KCNC2: variants seen among roughly 807,000 people sequenced by gnomAD.
The protein encoded by KCNC2 is potassium voltage-gated channel subfamily C member 2, also known as voltage-gated potassium channel KCNC2.
A neutral mutation model predicts 44.5 loss-of-function variants in KCNC2; 21 were observed. The observed-to-expected ratio is 0.47, with a 90% confidence interval of 0.33 to 0.68. The LOEUF (loss-of-function observed/expected upper bound fraction) is 0.68, where lower values mean the gene tolerates loss of function less well. Among genes scored for constraint, KCNC2 ranks in the 30% least tolerant of loss-of-function variants. The pLI is 0.01. For synonymous variants in KCNC2, 391 were observed against 339.1 expected (o/e 1.15, Z -1.68); for missense variants, 589 against 826.2 (o/e 0.71, Z 3.52).
At chr12:75,161,150 T>A (rs1891098052) in intron 2 of KCNC2, among the ~76,000 whole-genome samples, 1 of 151,724 alleles carries the variant, frequency 6.6e-6, no homozygotes, top group African/African-American at 2.4e-5. Flanking sequence ...TTAGATATCC[T>A]AATATAAAAA....
At chr12:75,194,937 T>G (rs1271697447) in intron 2 of KCNC2, among the ~76,000 whole-genome samples, 1 of 152,172 alleles carries the variant, frequency 6.6e-6, no homozygotes, top group Non-Finnish European at 1.5e-5. Context: ...CTGCTTTCAT[T>G]TTTATTTTTC....
intron 2 of KCNC2, among the ~76,000 whole-genome samples, chr12:75,201,084 A>C (rs1022217599): frequency 6.6e-6 from 1 of 151,336 alleles, no homozygotes; most frequent in Admixed American, 6.6e-5. Context: ...GAACATCTTC[A>C]TGGGTTTCAT....
At chr12:75,082,724 C>T (rs960038655) in intron 2 of KCNC2, among the ~76,000 whole-genome samples, 9 of 151,090 alleles carry the variant, frequency 6.0e-5, no homozygotes, top group Non-Finnish European at 1.0e-4. Context: ...ATTATTTTCT[C>T]GAAAAATATT....
chr12:75,094,177 T>C (rs114724993), intron 2 of KCNC2, among the ~76,000 whole-genome samples: 3,128 of 151,756 alleles, frequency 0.021, 97 homozygotes, highest in African/African-American at 0.066. Flanking sequence ...TGATTCTCTT[T>C]TAAAGTTGCC....
chr12:75,131,123 C>T lies in KCNC2; in HGVS notation c.687+76174G>A, dbSNP rs138820566. On this transcript the variant is annotated intron_variant, in intron 2 of 4. Transcript: ENST00000549446. ...AAATTTTCACATACATGCTGTAACA[C>T]GTCAGCGAAAATGCCTTAACTAATT... Among the ~76,000 whole-genome samples the T allele has an allele frequency of 1.1e-4, 16 of 152,176 alleles. No homozygotes were observed. In the South Asian group the frequency reaches 2.9e-3, roughly 28 times the overall value.
At chr12:75,066,307 A>G (rs1010136983) in intron 2 of KCNC2, among the ~76,000 whole-genome samples, 4 of 152,158 alleles carry the variant, frequency 2.6e-5, no homozygotes, top group African/African-American at 9.6e-5. Context: ...TGAGCTATAC[A>G]AAGTGCTCCT....
chr12:75,191,999 T>A (rs1385863933), intron 2 of KCNC2, among the ~76,000 whole-genome samples: 1 of 152,220 alleles, frequency 6.6e-6, no homozygotes, highest in Non-Finnish European at 1.5e-5. Context: ...TATGCTTCTT[T>A]AAACACCTTT....
At chr12:75,117,547 C>A (rs1406404278) in intron 2 of KCNC2, among the ~76,000 whole-genome samples, 2 of 152,146 alleles carry the variant, frequency 1.3e-5, no homozygotes, top group South Asian at 2.1e-4. Context: ...ATTACTTACT[C>A]CTTAACAAAG....
At chr12:75,063,896 C>G (rs1882577942) in intron 2 of KCNC2, among the ~76,000 whole-genome samples, 1 of 152,048 alleles carries the variant, frequency 6.6e-6, no homozygotes, top group African/African-American at 2.4e-5. Flanking sequence ...CACTTCCTTA[C>G]CTTGCTAATG....
intron 2 of KCNC2, among the ~76,000 whole-genome samples, chr12:75,151,837 G>GA (rs1890416433): frequency 6.7e-6 from 1 of 149,108 alleles, no homozygotes; most frequent in Non-Finnish European, 1.5e-5. Context: ...CAGTTTAAGA[G>GA]AAAATTAGTG....
intron 2 of KCNC2, among the ~76,000 whole-genome samples, chr12:75,058,151 A>G (rs1881940244): frequency 6.6e-6 from 1 of 152,038 alleles, no homozygotes; most frequent in Admixed American, 6.6e-5. Flanking sequence ...GATGAAATTT[A>G]AAGTGTGTAA....
rs1879741968 is a variant in KCNC2 at position 75,040,098 on chromosome 12, AG to A, written c.*3006del. The stretch of plus-strand genomic sequence containing the variant: ...AGACAATAATTTGAGTAATTTAATC[AG>A]ATAACATTCAAGTTTATCCCCAGCT... On this transcript the variant is annotated 3_prime_UTR_variant, in exon 5 of 5. Coordinates refer to ENST00000549446, the MANE Select transcript of KCNC2 (RefSeq NM_139137.4). 6.6e-6 allele frequency: 1 copy of A among 152,074 alleles called. No homozygotes were observed. The highest frequency in any genetic ancestry group is 2.1e-4 in the South Asian group (1 of 4,836). The allele number at this position is 152,074 out of a possible 1,614,324, so 9.4% of individuals were successfully genotyped here. A position where few individuals can be genotyped will look rare whatever the true frequency, so the allele number is the denominator to read the frequency against.
At chr12:75,113,851 C>A (rs1887442834) in intron 2 of KCNC2, among the ~76,000 whole-genome samples, 1 of 152,136 alleles carries the variant, frequency 6.6e-6, no homozygotes, top group Admixed American at 6.6e-5. Flanking sequence ...GAATACTGTG[C>A]TGATACTACC....
chr12:75,087,287 G>A (rs1885108195), intron 2 of KCNC2, among the ~76,000 whole-genome samples: 1 of 152,094 alleles, frequency 6.6e-6, no homozygotes, highest in Non-Finnish European at 1.5e-5. Flanking sequence ...CAGTTATGAT[G>A]AGGATACCTA....
intron 2 of KCNC2, among the ~76,000 whole-genome samples, chr12:75,112,002 A>G (rs1217886427): frequency 7.2e-6 from 1 of 138,638 alleles, no homozygotes; most frequent in African/African-American, 2.9e-5. Flanking sequence ...AATTCAATAA[A>G]AATAACAAAT....
rs1261033594 is a variant in KCNC2, at chr12:75,040,948, G to T, written c.*2157C>A. 2 of 620,494 alleles carry T rather than the reference G, an allele frequency of 3.2e-6. No homozygotes were observed. The highest frequency in any genetic ancestry group is 5.7e-6 in the Non-Finnish European group (2 of 348,706). 38.4% of individuals were successfully genotyped at this position (620,494 alleles called of 1,614,324 possible). A position where few individuals can be genotyped will look rare whatever the true frequency, so the allele number is the denominator to read the frequency against. ...ACTGTTGACCCATGCACACATGTTG[G>T]TATTTACAGTTGTTTCATGGACACT... On this transcript the variant is annotated 3_prime_UTR_variant, in exon 5 of 5. Coordinates refer to ENST00000549446, the MANE Select transcript of KCNC2 (RefSeq NM_139137.4).
intron 2 of KCNC2, among the ~76,000 whole-genome samples, chr12:75,151,819 A>C (rs1274696551): frequency 6.6e-6 from 1 of 150,406 alleles, no homozygotes; most frequent in Admixed American, 6.7e-5. Flanking sequence ...AAGGGCAACT[A>C]AAAACATCAG....
chr12:75,134,543 A>T (rs1045219842), intron 2 of KCNC2, among the ~76,000 whole-genome samples: 1 of 151,834 alleles, frequency 6.6e-6, no homozygotes, highest in Non-Finnish European at 1.5e-5. Context: ...CAGTCCTGAA[A>T]GAAGTTTTGA....
At chr12:75,182,520 C>CAAAAAAAAAAAAAAAAAAAAAA in intron 2 of KCNC2, among the ~76,000 whole-genome samples, 1 of 81,432 alleles carries the variant, frequency 1.2e-5, no homozygotes, top group Non-Finnish European at 2.6e-5. Flanking sequence ...GATTCCGTCT[C>CAAAAAAAAAAAAAAAAAAAAAA]AAAAAAAAAA....
Sources: gnomAD v4.1 joint callset for allele counts (sites outside exome capture counted in the v4.1 genomes callset) on GRCh38, gnomAD v4.1.1 for gene constraint, MANE v1.5 for transcripts, NCBI Gene and HGNC (gene_info 2026-07-23, HGNC 2026-07-21) for gene names.